Variants in KCNMA1 observed in about 807,000 individuals in gnomAD.
KCNMA1 encodes the protein Calcium-activated potassium channel subunit alpha-1.
Under a neutral mutation model 140.0 loss-of-function variants are expected in KCNMA1, and 29 were observed. The ratio of observed to expected loss-of-function variants is 0.21; its 90% CI spans 0.15 to 0.28. The LOEUF (loss-of-function observed/expected upper bound fraction) is 0.28, where lower values mean the gene tolerates loss of function less well. Ranked by LOEUF, KCNMA1 falls within the 10% of genes least tolerant of loss-of-function variation. KCNMA1 has a pLI of 1.00. For synonymous variants in KCNMA1, 612 were observed against 611.9 expected (o/e 1.00, Z 0.00); for missense variants, 880 against 1,602.2 (o/e 0.55, Z 7.70).
At chr10:77,374,917 C>G (rs149988028) in intron 2 of KCNMA1, among the ~76,000 whole-genome samples, 102 of 152,288 alleles carry the variant, frequency 6.7e-4, no homozygotes, top group Non-Finnish European at 1.2e-3. Flanking sequence ...GCCCCAGACA[C>G]AGCTTCCTGG....
At chr10:77,538,906 A>T (rs960508217) in intron 1 of KCNMA1, among the ~76,000 whole-genome samples, 1 of 152,184 alleles carries the variant, frequency 6.6e-6, no homozygotes, top group African/African-American at 2.4e-5. Flanking sequence ...CTCAGCATGA[A>T]GGCTCTGCAT....
intron 2 of KCNMA1, among the ~76,000 whole-genome samples, chr10:77,333,618 C>A (rs1290610710): frequency 1.3e-5 from 2 of 152,166 alleles, no homozygotes; most frequent in Non-Finnish European, 2.9e-5. Context: ...TCATTCTGGG[C>A]TCAAAATAAT....
chr10:77,084,843 G>A (rs2096657729), intron 11 of KCNMA1, 124 bp from the exon 12 acceptor site: 1 of 702,850 alleles, frequency 1.4e-6, no homozygotes, highest in South Asian at 1.6e-5. Context: ...ACAATCCTGA[G>A]AGCCTGAGAG....
At chr10:76,947,305 C>G (rs1345009891) in intron 22 of KCNMA1, among the ~76,000 whole-genome samples, 1 of 152,116 alleles carries the variant, frequency 6.6e-6, no homozygotes, top group African/African-American at 2.4e-5. Context: ...CCATTGCACT[C>G]CAGCCTGGGC....
intron 1 of KCNMA1, among the ~76,000 whole-genome samples, chr10:77,534,167 C>G (rs1157891152): frequency 2.0e-5 from 3 of 152,168 alleles, no homozygotes; most frequent in Non-Finnish European, 4.4e-5. Context: ...AAGATAAAAT[C>G]ATTAGGAAAA....
At chr10:77,148,454 G>A (rs1226807647) in intron 5 of KCNMA1, 1 of 152,020 alleles carries the variant, frequency 6.6e-6, no homozygotes, top group Non-Finnish European at 1.5e-5. Flanking sequence ...TTTTCACAAG[G>A]GCCTCAGGTA....
chr10:77,162,476 A>G (rs2098570754), intron 5 of KCNMA1, among the ~76,000 whole-genome samples: 1 of 152,168 alleles, frequency 6.6e-6, no homozygotes, highest in South Asian at 2.1e-4. Context: ...TTCTATTTTG[A>G]TTAATATTTT....
At chr10:77,179,466 AG>A (rs1326128420) in intron 5 of KCNMA1, among the ~76,000 whole-genome samples, 2 of 152,008 alleles carry the variant, frequency 1.3e-5, no homozygotes, top group Non-Finnish European at 2.9e-5. Flanking sequence ...GGCAAGGAGG[AG>A]GGGGAAAGAG....
chr10:77,171,618 C>T (rs777112371), intron 5 of KCNMA1, among the ~76,000 whole-genome samples: 5 of 152,058 alleles, frequency 3.3e-5, no homozygotes, highest in Admixed American at 6.5e-5. Context: ...GCCAGGAGGA[C>T]GTGTCAGAGT....
chr10:77,252,280 T>C (rs570944549), intron 2 of KCNMA1, among the ~76,000 whole-genome samples: 1 of 152,280 alleles, frequency 6.6e-6, no homozygotes, highest in South Asian at 2.1e-4. Flanking sequence ...TAAAGGATAG[T>C]CAGAAATAAA....
intron 14 of KCNMA1, among the ~76,000 whole-genome samples, chr10:77,069,796 G>A (rs1595243883): frequency 6.6e-6 from 1 of 152,198 alleles, no homozygotes. Flanking sequence ...ATTCCTGTAT[G>A]CCAGTAGTCC....
chr10:77,350,471 T>TA (rs2092740453), intron 2 of KCNMA1: 1 of 152,198 alleles, frequency 6.6e-6, no homozygotes, highest in Middle Eastern at 3.4e-3. Flanking sequence ...CAGAATAGGC[T>TA]AAAAAATCTC....
chr10:77,442,100 G>T (rs1333034242), intron 1 of KCNMA1, among the ~76,000 whole-genome samples: 2 of 152,172 alleles, frequency 1.3e-5, no homozygotes, highest in Non-Finnish European at 2.9e-5. Context: ...AGACTCGAAA[G>T]GTCCGTTTGC....
At chr10:76,869,721 C>T (rs576010302) in exon 28 of KCNMA1, 1 of 152,724 alleles carries the variant, frequency 6.5e-6, no homozygotes, top group African/African-American at 2.4e-5. Context: ...TTACAGATGA[C>T]AGAGTTGGGT....
chr10:76,996,198 G>T, intron 19 of KCNMA1, among the ~76,000 whole-genome samples: 1 of 152,170 alleles, frequency 6.6e-6, no homozygotes, highest in East Asian at 1.9e-4. Flanking sequence ...GCGATGTAAA[G>T]GATCCTTCTC....
chr10:77,039,332 G>A (rs564453581), intron 15 of KCNMA1, 196 bp downstream of exon 15: 2 of 627,328 alleles, frequency 3.2e-6, no homozygotes, highest in Admixed American at 2.5e-5. Context: ...AAGAAAAGTG[G>A]GGCCAGTGGA....
At chr10:76,959,725 A>C (rs1365875779) in intron 20 of KCNMA1, among the ~76,000 whole-genome samples, 2 of 152,210 alleles carry the variant, frequency 1.3e-5, no homozygotes, top group Admixed American at 1.3e-4. Context: ...GCTACTATTA[A>C]TACTACTACT....
chr10:77,379,682 A>T (rs1237550158), intron 2 of KCNMA1, among the ~76,000 whole-genome samples: 2 of 152,164 alleles, frequency 1.3e-5, no homozygotes, highest in Non-Finnish European at 2.9e-5. Context: ...TTAAAAGTAG[A>T]CTACAGATTT....
chr10:77,021,446 A>C (rs565815990), intron 16 of KCNMA1, among the ~76,000 whole-genome samples: 1 of 152,208 alleles, frequency 6.6e-6, no homozygotes, highest in African/African-American at 2.4e-5. Context: ...GAGGTAAAAA[A>C]ATCCTCACAG....
Sources: allele counts gnomAD v4.1 joint callset (sites outside exome capture counted in the v4.1 genomes callset), GRCh38; gene constraint gnomAD v4.1.1; transcripts MANE v1.5; gene names NCBI Gene and HGNC (gene_info 2026-07-23, HGNC 2026-07-21).